BRAF: variants seen among roughly 807,000 people sequenced by gnomAD.
The protein encoded by BRAF is serine/threonine-protein kinase B-raf.
BRAF carries 16 observed loss-of-function variants against 104.6 expected under a neutral mutation model. The observed-to-expected ratio is 0.15, with a 90% CI of 0.10 to 0.23. The LOEUF is 0.23. BRAF is among the 10% of genes least tolerant of loss of function. The pLI is 1.00. For missense variants in BRAF, 541 were observed against 937.3 expected (o/e 0.58, Z 5.52); for synonymous variants, 310 against 341.6 (o/e 0.91, Z 1.02).
chr7:140,851,189 T>C (rs1353724175), intron 1 of BRAF, among the ~76,000 whole-genome samples: 2 of 151,846 alleles, frequency 1.3e-5, no homozygotes, highest in African/African-American at 4.9e-5. Flanking sequence ...GATAAATAAG[T>C]AATCAGGTTT....
intron 3 of BRAF, among the ~76,000 whole-genome samples, chr7:140,824,973 CTTTTTTTTTT>C (rs201596326): frequency 2.9e-5 from 4 of 139,914 alleles, no homozygotes; most frequent in African/African-American, 1.1e-4. Flanking sequence ...GTTGTTTTTT[CTTTTTTTTTT>C]TTTTTGAGAT....
At chr7:140,913,088 C>G (rs893763258) in intron 1 of BRAF, among the ~76,000 whole-genome samples, 3 of 152,112 alleles carry the variant, frequency 2.0e-5, no homozygotes, top group African/African-American at 7.2e-5. Flanking sequence ...TCAAATACCC[C>G]CTTCTCAAGT....
chr7:140,715,932 C>G (rs780877673), downstream of BRAF, among the ~76,000 whole-genome samples: 17 of 152,152 alleles, frequency 1.1e-4, no homozygotes, highest in Non-Finnish European at 2.2e-4. Flanking sequence ...AAGCTCATAC[C>G]TGAGATTCAG....
chr7:140,812,243 C>G (rs1376528109), intron 3 of BRAF, among the ~76,000 whole-genome samples: 1 of 149,960 alleles, frequency 6.7e-6, no homozygotes, highest in Non-Finnish European at 1.5e-5. Flanking sequence ...CTAATGAAAG[C>G]CTCAAATGTG....
intron 10 of BRAF, among the ~76,000 whole-genome samples, chr7:140,785,341 C>T (rs1160123338): frequency 6.6e-6 from 1 of 152,114 alleles, no homozygotes; most frequent in Non-Finnish European, 1.5e-5. Flanking sequence ...GCATTAAAAT[C>T]AAAGGAATCC....
At chr7:140,900,857 C>G (rs551431217) in intron 1 of BRAF, among the ~76,000 whole-genome samples, 1 of 152,170 alleles carries the variant, frequency 6.6e-6, no homozygotes, top group African/African-American at 2.4e-5. Flanking sequence ...GTGATCCAAC[C>G]GCCTTGGCCT....
chr7:140,764,802 TACAA>T (rs201535086), intron 14 of BRAF, among the ~76,000 whole-genome samples: 17,231 of 151,944 alleles, frequency 0.11, 1,163 homozygotes, highest in African/African-American at 0.2. Context: ...TAAAAGAGGA[TACAA>T]ACAAATGGAA....
intron 14 of BRAF, among the ~76,000 whole-genome samples, chr7:140,766,942 G>T (rs1296978148): frequency 6.6e-6 from 1 of 151,984 alleles, no homozygotes; most frequent in East Asian, 1.9e-4. Flanking sequence ...ATCTTCCCAC[G>T]TTAGCTTCCC....
chr7:140,893,211 G>A (rs1189185003), intron 1 of BRAF, among the ~76,000 whole-genome samples: 4 of 151,912 alleles, frequency 2.6e-5, no homozygotes, highest in East Asian at 1.9e-4. Context: ...AAAAAGTTAT[G>A]CCTGCTTAGG....
At chr7:140,822,968 G>A (rs1805643622) in intron 3 of BRAF, among the ~76,000 whole-genome samples, 1 of 152,094 alleles carries the variant, frequency 6.6e-6, no homozygotes, top group Non-Finnish European at 1.5e-5. Context: ...GACTACAGAT[G>A]TACACCACCA....
chr7:140,722,381 A>G lies in BRAF; in HGVS notation c.*4113T>C, dbSNP rs928241782. ...AAACCAGAGTGGCTGCTCTCTTCAC[A>G]AATCACTGATTTCTGCTAAAATGTT... On this transcript the variant is annotated 3_prime_UTR_variant, in exon 20 of 20. Coordinates refer to ENST00000644969, the MANE Select transcript of BRAF (RefSeq NM_001374258.1). 2 of 1,054,804 alleles carry G rather than the reference A, an allele frequency of 1.9e-6. No individual in the cohort carries two copies. Among genetic ancestry groups the G allele is most frequent in the Non-Finnish European group, 2.3e-6 (2 of 872,836 alleles). The allele number at this position is 1,054,804 out of a possible 1,614,324, so 65.3% of individuals were successfully genotyped here. A position where few individuals can be genotyped will look rare whatever the true frequency, so the allele number is the denominator to read the frequency against.
At chr7:140,761,164 A>C (rs900802492) in intron 14 of BRAF, among the ~76,000 whole-genome samples, 1 of 152,266 alleles carries the variant, frequency 6.6e-6, no homozygotes, top group African/African-American at 2.4e-5. Flanking sequence ...CACAAAGGGA[A>C]GCCCATCAGA....
intron 3 of BRAF, among the ~76,000 whole-genome samples, chr7:140,827,008 T>C (rs999801901): frequency 6.6e-6 from 1 of 152,218 alleles, no homozygotes; most frequent in Non-Finnish European, 1.5e-5. Flanking sequence ...AGTCTAGGGC[T>C]ATTGTCTTAC....
chr7:140,884,074 G>A (rs1388498530), intron 1 of BRAF: 1 of 152,088 alleles, frequency 6.6e-6, no homozygotes, highest in Non-Finnish European at 1.5e-5. Context: ...AAAATTTGGT[G>A]CTTGCTTCAG....
intron 13 of BRAF, 92 bp from the exon 13 acceptor site, chr7:140,777,180 T>G: frequency 7.1e-7 from 1 of 1,402,942 alleles, no homozygotes; most frequent in Non-Finnish European, 9.9e-7. Context: ...CGGTAAAATG[T>G]TGTCAGAAAA....
At chr7:140,784,793 C>T (rs1453442031) in intron 10 of BRAF, among the ~76,000 whole-genome samples, 2 of 151,900 alleles carry the variant, frequency 1.3e-5, no homozygotes, top group African/African-American at 2.4e-5. Flanking sequence ...TACAGGCATC[C>T]GCCATCATGC....
the BRAF span, among the ~76,000 whole-genome samples, chr7:140,713,785 T>C: frequency 1.3e-5 from 2 of 152,182 alleles, no homozygotes; most frequent in African/African-American, 4.8e-5. Flanking sequence ...TATGGGTTTT[T>C]GGTGTGGATG....
At chr7:140,855,523 C>T (rs907789349) in intron 1 of BRAF, among the ~76,000 whole-genome samples, 1 of 150,502 alleles carries the variant, frequency 6.6e-6, no homozygotes, top group African/African-American at 2.5e-5. Context: ...AGACAAACTG[C>T]TATGGAAGGA....
At position 140,722,167 on chromosome 7, in the gene BRAF, C is replaced by A; in HGVS notation, c.*4327G>T. 1 of 1,061,888 alleles carries A rather than the reference C, an allele frequency of 9.4e-7. No homozygotes were observed. Among genetic ancestry groups the A allele is most frequent in the Non-Finnish European group, 1.1e-6 (1 of 877,114 alleles). 65.8% of individuals were successfully genotyped at this position (1,061,888 alleles called of 1,614,324 possible). On this transcript the variant is annotated 3_prime_UTR_variant, in exon 20 of 20. Coordinates refer to ENST00000644969, the MANE Select transcript of BRAF (RefSeq NM_001374258.1). ...AATGTCACTGAACTATATTTGCAAC[C>A]TAGTTGCTCTATGTGATAAATATAT...
Sources: allele counts gnomAD v4.1 joint callset (sites outside exome capture counted in the v4.1 genomes callset), GRCh38; gene constraint gnomAD v4.1.1; transcripts MANE v1.5; gene names NCBI Gene and HGNC (gene_info 2026-07-23, HGNC 2026-07-21).